Variants in ALKAL1 observed in about 807,000 individuals in gnomAD.
ALKAL1 encodes the protein AUG-beta.
Under a neutral mutation model 13.5 loss-of-function variants are expected in ALKAL1, and 23 were observed. The ratio of observed to expected loss-of-function variants is 1.70; its 90% CI spans 1.23 to 2.41. The LOEUF (loss-of-function observed/expected upper bound fraction) is 2.41. Ranked by LOEUF, ALKAL1 falls within the 30% of genes most tolerant of loss-of-function variation. The pLI, the probability that ALKAL1 is intolerant of heterozygous loss-of-function variation, is 0.00. For synonymous variants in ALKAL1, 85 were observed against 77.7 expected, an observed-to-expected ratio of 1.09 and a Z score of -0.49; for missense variants, 181 against 178.4, an observed-to-expected ratio of 1.01 and a Z score of -0.08.
intron 1 of ALKAL1, among the ~76,000 whole-genome samples, chr8:52,564,371 C>T (rs1041059531): frequency 3.3e-5 from 5 of 151,896 alleles, no homozygotes; most frequent in African/African-American, 1.2e-4. Flanking sequence ...CCTCCTTTTC[C>T]AGGGGCTTTT....
chr8:52,564,748 A>ACCACC (rs1847583159), intron 1 of ALKAL1, among the ~76,000 whole-genome samples: 1 of 152,088 alleles, frequency 6.6e-6, no homozygotes, highest in African/African-American at 2.4e-5. Context: ...TAACCTGTCC[A>ACCACC]CCACCCCTCG....
Position 52,551,963 on chromosome 8 carries a change from T to A in ALKAL1, c.191-9518A>T, listed in dbSNP as rs565774128. Among the ~76,000 whole-genome samples, 3 of 152,310 alleles carry A rather than the reference T, an allele frequency of 2.0e-5. No homozygotes were observed. The East Asian group carries it at 5.8e-4, about 29-fold the overall frequency. On this transcript the variant is annotated intron_variant, in intron 1 of 4. Coordinates refer to ENST00000358543, the MANE Select transcript of ALKAL1 (RefSeq NM_207413.4). ...ATTAACATTACATTAGTATGGCACA[T>A]TTCTTGCAATTAGTGAACCAATACT...
chr8:52,549,979 C>T (rs894394630), intron 1 of ALKAL1, among the ~76,000 whole-genome samples: 1 of 152,102 alleles, frequency 6.6e-6, no homozygotes, highest in Non-Finnish European at 1.5e-5. Flanking sequence ...AAATTAAAAG[C>T]ATTTAAAAAT....
chr8:52,539,697 G>A (rs898136834), intron 3 of ALKAL1, 134 bp downstream of exon 3: 16 of 663,516 alleles, frequency 2.4e-5, no homozygotes, highest in Non-Finnish European at 3.8e-5. Context: ...TTCTGTCAGT[G>A]TTCTAAATCA....
At chr8:52,562,923 G>C (rs1847565442) in intron 1 of ALKAL1, among the ~76,000 whole-genome samples, 1 of 152,166 alleles carries the variant, frequency 6.6e-6, no homozygotes, top group Non-Finnish European at 1.5e-5. Flanking sequence ...TCATGTCCCT[G>C]TTTGTTCCTG....
At chr8:52,535,550 CAAAAAAA>C (rs10719477) in intron 4 of ALKAL1, among the ~76,000 whole-genome samples, 37 of 68,630 alleles carry the variant, frequency 5.4e-4, no homozygotes, top group Non-Finnish European at 9.1e-4. Context: ...GACCCTGTCT[CAAAAAAA>C]AAAAAAAAAA....
chr8:52,544,877 TAAAC>T (rs1463574607), intron 1 of ALKAL1, among the ~76,000 whole-genome samples: 8 of 152,126 alleles, frequency 5.3e-5, no homozygotes, highest in East Asian at 1.9e-4. Context: ...ACAATAAAAA[TAAAC>T]AAAATTATAT....
At position 52,561,706 on chromosome 8, in the gene ALKAL1, G is replaced by C. The variant is rs575711003; in HGVS notation, c.190+3361C>G. ...CCCCATGCTACTTATTAAGCACGTTGATTTGCCATTGTTCAGCATAACCTC... is the reference window on the plus strand; with the variant it reads ...CCCCATGCTACTTATTAAGCACGTTCATTTGCCATTGTTCAGCATAACCTC... On this transcript the variant is annotated intron_variant, in intron 1 of 4. Coordinates refer to ENST00000358543, the MANE Select transcript of ALKAL1 (RefSeq NM_207413.4). 7.2e-5 allele frequency among the ~76,000 whole-genome samples: 11 copies of C among 152,262 alleles called. No individual in the cohort carries two copies. In the South Asian group the frequency reaches 2.3e-3, roughly 32 times the overall value.
chr8:52,538,565 TC>T, intron 3 of ALKAL1, 58 bp from the exon 4 acceptor site: 2 of 1,135,616 alleles, frequency 1.8e-6, no homozygotes, highest in Non-Finnish European at 2.6e-6. Flanking sequence ...GTTGGGGAAA[TC>T]CTGTTATTAT....
chr8:52,546,979 T>G (rs1175393471), intron 1 of ALKAL1, among the ~76,000 whole-genome samples: 1 of 152,184 alleles, frequency 6.6e-6, no homozygotes, highest in Non-Finnish European at 1.5e-5. Flanking sequence ...CTATTTGCAG[T>G]AAAAACAAAT....
At chr8:52,564,232 T>G (rs1563324734) in intron 1 of ALKAL1, among the ~76,000 whole-genome samples, 1 of 152,158 alleles carries the variant, frequency 6.6e-6, no homozygotes, top group African/African-American at 2.4e-5. Context: ...AGCTTCACCT[T>G]GCTCTGCTCT....
intron 1 of ALKAL1, among the ~76,000 whole-genome samples, chr8:52,554,538 T>C (rs770030132): frequency 2.0e-5 from 3 of 152,194 alleles, no homozygotes; most frequent in Non-Finnish European, 2.9e-5. Flanking sequence ...GAGAGCAAGT[T>C]TGAAGGCAGA....
chr8:52,553,358 T>C (rs1847448721), intron 1 of ALKAL1, among the ~76,000 whole-genome samples: 1 of 152,030 alleles, frequency 6.6e-6, no homozygotes, highest in South Asian at 2.1e-4. Context: ...TAAAAAAAAA[T>C]TGGAAGGTGC....
chr8:52,535,009 G>T (rs1018551185), intron 4 of ALKAL1, among the ~76,000 whole-genome samples: 1 of 152,090 alleles, frequency 6.6e-6, no homozygotes, highest in Non-Finnish European at 1.5e-5. Context: ...ATTTTTAAAA[G>T]TCATGTTTAT....
chr8:52,553,295 C>T (rs530385989), intron 1 of ALKAL1, among the ~76,000 whole-genome samples: 2 of 152,270 alleles, frequency 1.3e-5, no homozygotes, highest in African/African-American at 4.8e-5. Flanking sequence ...ATGCAGTGAG[C>T]TCTGATCATG....
chr8:52,544,664 A>G (rs977993727), intron 1 of ALKAL1, among the ~76,000 whole-genome samples: 10 of 152,136 alleles, frequency 6.6e-5, no homozygotes, highest in Admixed American at 2.6e-4. Flanking sequence ...GAGCAAGTCT[A>G]GAGGTCTAAT....
intron 1 of ALKAL1, among the ~76,000 whole-genome samples, chr8:52,563,378 C>T (rs188325891): frequency 2.0e-3 from 312 of 152,248 alleles, no homozygotes; most frequent in Admixed American, 3.9e-3. Context: ...TTGCAATGAG[C>T]CGAGATCACG....
intron 1 of ALKAL1, 26 bp downstream of exon 1, chr8:52,565,041 G>A: frequency 2.2e-6 from 3 of 1,357,498 alleles, no homozygotes; most frequent in Non-Finnish European, 2.8e-6. Context: ...CAGGGCAAAG[G>A]ATGGGGCGGG....
At chr8:52,564,984 G>A in intron 1 of ALKAL1, 83 bp downstream of exon 1, 1 of 1,138,862 alleles carries the variant, frequency 8.8e-7, no homozygotes, top group South Asian at 2.8e-5. Context: ...GCTTCCCAAA[G>A]CGAGTGCCTC....
Sources: gnomAD v4.1 joint callset for allele counts (sites outside exome capture counted in the v4.1 genomes callset) on GRCh38, gnomAD v4.1.1 for gene constraint, MANE v1.5 for transcripts, NCBI Gene and HGNC (gene_info 2026-07-23, HGNC 2026-07-21) for gene names.